The following P3H2 variants were observed in gnomAD, a reference collection of about 807,000 sequenced individuals.
P3H2 encodes leprecan-like 1.
A neutral mutation model predicts 87.0 loss-of-function variants in P3H2; 80 were observed. That is an observed-to-expected ratio of 0.92 (90% confidence interval 0.77 to 1.11). P3H2 has a LOEUF of 1.11. P3H2 is among the 50% of genes least tolerant of loss of function. The pLI is 0.00. For missense variants in P3H2, 1,001 were observed against 923.9 expected (o/e 1.08, Z -1.08); for synonymous variants, 367 against 359.3 (o/e 1.02, Z -0.24).
chr3:190,103,983 G>C (rs774972655), intron 1 of P3H2, among the ~76,000 whole-genome samples: 21 of 151,996 alleles, frequency 1.4e-4, no homozygotes, highest in Non-Finnish European at 2.4e-4. Flanking sequence ...GTAGAGACGG[G>C]ACTTCACTAT....
At chr3:190,015,064 T>C (rs928653308) in intron 1 of P3H2, among the ~76,000 whole-genome samples, 3 of 152,182 alleles carry the variant, frequency 2.0e-5, no homozygotes, top group African/African-American at 7.2e-5. Flanking sequence ...ACACTGAGGA[T>C]GGAGTGCAGG....
intron 12 of P3H2, 76 bp from the exon 13 acceptor site, chr3:189,970,967 T>C: frequency 1.2e-6 from 1 of 839,504 alleles, no homozygotes; most frequent in South Asian, 1.4e-5. Context: ...TGAAGACTGG[T>C]GATGTACTGT....
At chr3:190,100,251 C>G (rs1482394630) in intron 1 of P3H2, among the ~76,000 whole-genome samples, 2 of 47,112 alleles carry the variant, frequency 4.2e-5, no homozygotes, top group Non-Finnish European at 7.1e-5. Flanking sequence ...CCCCCCGCCG[C>G]CCCCCCCCCC....
chr3:190,020,901 G>A (rs1724911668), intron 1 of P3H2, among the ~76,000 whole-genome samples: 1 of 134,470 alleles, frequency 7.4e-6, no homozygotes, highest in Admixed American at 7.6e-5. Flanking sequence ...TGGGGTAAAA[G>A]CTGGATGGCT....
intron 1 of P3H2, among the ~76,000 whole-genome samples, chr3:190,089,560 A>G (rs1727343760): frequency 6.6e-6 from 1 of 152,140 alleles, no homozygotes; most frequent in Non-Finnish European, 1.5e-5. Context: ...GACTGGACGG[A>G]TGTTCTGTCC....
intron 1 of P3H2, among the ~76,000 whole-genome samples, chr3:190,120,024 T>C (rs1577334121): frequency 1.3e-5 from 2 of 152,322 alleles, no homozygotes; most frequent in Admixed American, 1.3e-4. Flanking sequence ...AGTCCTCTTT[T>C]TGAGAGAGAA....
intron 10 of P3H2, among the ~76,000 whole-genome samples, chr3:189,973,392 A>G (rs9880370): frequency 0.53 from 81,110 of 151,842 alleles, 22,293 homozygotes; most frequent in East Asian, 0.81. Context: ...GTAAAGTTTG[A>G]TAAGTTGATG....
At position 189,970,880 on chromosome 3, in the gene P3H2, T is replaced by G. The variant is rs376254011; in HGVS notation, c.1829A>C (p.Tyr610Ser). ...TCCTCCTTCAAAGTCATCATTCATATATAGGAGAGCACTATAAGAATGAAG... is the reference window on the plus strand; with the variant it reads ...TCCTCCTTCAAAGTCATCATTCATAGATAGGAGAGCACTATAAGAATGAAG... Reference protein sequence around the residue: ...YTFRDYSALLYMNDDFEGGEF... With the variant: ...YTFRDYSALLSMNDDFEGGEF... The change falls in exon 13 of 15, where the codon TAT becomes TCT. Residue 610 changes from tyrosine to serine, a missense_variant. Physicochemically the swap from Tyr to Ser is moderately radical, Grantham distance 144. Coordinates refer to ENST00000319332, the MANE Select transcript of P3H2 (RefSeq NM_018192.4). 30 of 1,559,616 alleles carry G rather than the reference T, an allele frequency of 1.9e-5. No individual in the cohort carries two copies. The African/African-American group carries it at 3.9e-4, about 20-fold the overall frequency.
At chr3:190,052,832 T>A (rs1726026305) in intron 1 of P3H2, among the ~76,000 whole-genome samples, 2 of 152,196 alleles carry the variant, frequency 1.3e-5, no homozygotes. Flanking sequence ...CCCCCATGAA[T>A]CCACACAGCG....
intron 13 of P3H2, among the ~76,000 whole-genome samples, chr3:189,968,264 A>T (rs2108905912): frequency 6.6e-6 from 1 of 152,202 alleles, no homozygotes; most frequent in Middle Eastern, 3.4e-3. Flanking sequence ...TCCCCCTGAC[A>T]GGCCCTGGTG....
At chr3:189,990,903 C>T (rs1666437) in intron 3 of P3H2, among the ~76,000 whole-genome samples, 114,820 of 152,082 alleles carry the variant, frequency 0.75, 43,969 homozygotes, top group East Asian at 0.91. Context: ...GCTGTGGTGA[C>T]CTTGAGCAAA....
Position 190,120,631 on chromosome 3 carries a change from A to C in P3H2, c.101T>G (p.Leu34Arg). ...GGPPDSPRRE[L>R]ELEPGPLQPF... is the part of the protein sequence containing the mutation. ...CTGCAGAGGCCCGGGCTCCAGCTCC[A>C]GCTCCCGGCGTGGGCTGTCCGGGGG... is the stretch of plus-strand genomic sequence containing the variant. The change falls in exon 1 of 15, where the codon CTG becomes CGG. Residue 34 changes from leucine (L) to arginine (R), a missense_variant. Leu to Arg is a moderately radical substitution (Grantham distance 102). Coordinates refer to ENST00000319332, the MANE Select transcript of P3H2 (RefSeq NM_018192.4). 1 of 1,531,284 alleles carries C rather than the reference A, an allele frequency of 6.5e-7. No individual in the cohort carries two copies. Among genetic ancestry groups the C allele is most frequent in the Non-Finnish European group, 8.7e-7 (1 of 1,147,270 alleles). The allele number at this position is 1,531,284 out of a possible 1,614,324, so 94.9% of individuals were successfully genotyped here. A position where few individuals can be genotyped will look rare whatever the true frequency, so the allele number is the denominator to read the frequency against.
chr3:190,096,638 T>C (rs1226681923), intron 1 of P3H2, among the ~76,000 whole-genome samples: 2 of 152,228 alleles, frequency 1.3e-5, no homozygotes, highest in Admixed American at 6.5e-5. Context: ...AAAAAAGCTT[T>C]TGGGCAATCC....
intron 1 of P3H2, among the ~76,000 whole-genome samples, chr3:190,082,162 A>G (rs1727064805): frequency 6.6e-6 from 1 of 152,196 alleles, no homozygotes; most frequent in African/African-American, 2.4e-5. Flanking sequence ...AGGCTGAGGC[A>G]GGAGAATCAC....
At chr3:189,965,435 G>A (rs1249235589) in intron 13 of P3H2, among the ~76,000 whole-genome samples, 1 of 152,086 alleles carries the variant, frequency 6.6e-6, no homozygotes, top group Non-Finnish European at 1.5e-5. Flanking sequence ...GAGTGTTAAA[G>A]GGAAGAGCAG....
chr3:190,085,558 ACT>A (rs1325304194), intron 1 of P3H2, among the ~76,000 whole-genome samples: 1 of 152,108 alleles, frequency 6.6e-6, no homozygotes, highest in Non-Finnish European at 1.5e-5. Context: ...TAAATAAATA[ACT>A]CTTTAAAATT....
At chr3:190,031,918 A>T (rs149209049) in intron 1 of P3H2, among the ~76,000 whole-genome samples, 1 of 152,210 alleles carries the variant, frequency 6.6e-6, no homozygotes, top group African/African-American at 2.4e-5. Context: ...AAAAGACAAC[A>T]ATTAAGGGCA....
chr3:189,969,248 C>T lies in P3H2; in HGVS notation c.1893+1568G>A, dbSNP rs1389369400. 3.3e-5 allele frequency: 26 copies of T among 795,050 alleles called. No individual in the cohort carries two copies. The Middle Eastern group carries it at 9.2e-4, about 28-fold the overall frequency. 49.2% of individuals were successfully genotyped at this position (795,050 alleles called of 1,614,324 possible). The stretch of plus-strand genomic sequence containing the variant: ...ATACTCGCATAACAAATTCCAGCCT[C>T]TTTAGTGAGAACCACCTCTGGAACT... On this transcript the variant is annotated intron_variant, in intron 13 of 14. Coordinates refer to ENST00000319332, the MANE Select transcript of P3H2 (RefSeq NM_018192.4).
At chr3:190,092,230 CA>C (rs10693056) in intron 1 of P3H2, among the ~76,000 whole-genome samples, 294 of 137,772 alleles carry the variant, frequency 2.1e-3, no homozygotes, top group Admixed American at 2.8e-3. Context: ...GAGACTCCGT[CA>C]AAAAAAAAAA....
Sources: gnomAD v4.1 joint callset for allele counts (sites outside exome capture counted in the v4.1 genomes callset) on GRCh38, gnomAD v4.1.1 for gene constraint, MANE v1.5 for transcripts, NCBI Gene and HGNC (gene_info 2026-07-23, HGNC 2026-07-21) for gene names.